The following RBFOX1 variants were observed in gnomAD, a reference collection of about 807,000 sequenced individuals.
The protein encoded by RBFOX1 is RNA binding fox-1 homolog 1.
In RBFOX1, 8 loss-of-function variants were observed where a neutral mutation model predicts 57.7. That is an observed-to-expected ratio of 0.14 (90% CI 0.08 to 0.25). The LOEUF is 0.25. RBFOX1 is among the 10% of genes least tolerant of loss of function. The probability of loss-of-function intolerance (pLI) is 1.00; values close to 1 mark genes in which losing one functional copy is unlikely to be tolerated. For missense variants in RBFOX1, 611 were observed against 548.5 expected, an observed-to-expected ratio of 1.11 and a Z score of -1.14; for synonymous variants, 326 against 222.4, an observed-to-expected ratio of 1.47 and a Z score of -4.15.
chr16:6,603,494 T>C (rs2097882422), intron 2 of RBFOX1, among the ~76,000 whole-genome samples: 1 of 152,208 alleles, frequency 6.6e-6, no homozygotes, highest in Non-Finnish European at 1.5e-5. Context: ...ATCAGAGCCC[T>C]CAAACACATT....
intron 3 of RBFOX1, among the ~76,000 whole-genome samples, chr16:5,803,840 C>T (rs1037410236): frequency 2.0e-5 from 3 of 152,164 alleles, no homozygotes; most frequent in African/African-American, 7.2e-5. Context: ...CTTCTTTCCT[C>T]TCCTGGTCTT....
At chr16:6,335,057 C>G (rs555011302) in intron 2 of RBFOX1, among the ~76,000 whole-genome samples, 1 of 152,318 alleles carries the variant, frequency 6.6e-6, no homozygotes, top group East Asian at 1.9e-4. Flanking sequence ...ACTAAATCCC[C>G]TTTCGATGTG....
chr16:5,645,586 GTC>G (rs1180140731), intron 3 of RBFOX1, among the ~76,000 whole-genome samples: 1 of 152,202 alleles, frequency 6.6e-6, no homozygotes, highest in Non-Finnish European at 1.5e-5. Flanking sequence ...ATTAAAAAGA[GTC>G]TCATATATAC....
At chr16:6,692,705 A>G (rs1329799934) in intron 3 of RBFOX1, among the ~76,000 whole-genome samples, 1 of 151,772 alleles carries the variant, frequency 6.6e-6, no homozygotes, top group Non-Finnish European at 1.5e-5. Flanking sequence ...TGAAATGCCT[A>G]CTATATACTC....
intron 3 of RBFOX1, among the ~76,000 whole-genome samples, chr16:6,688,987 A>G (rs1329470268): frequency 6.6e-6 from 1 of 152,142 alleles, no homozygotes. Flanking sequence ...TTATGGCTGC[A>G]TAGTATTCCA....
At chr16:6,781,803 C>G (rs972031681) in intron 3 of RBFOX1, among the ~76,000 whole-genome samples, 2 of 152,042 alleles carry the variant, frequency 1.3e-5, no homozygotes, top group South Asian at 2.1e-4. Context: ...TTTGGACATT[C>G]TCTCTTTTTT....
chr16:5,822,992 G>C (rs532976904), intron 3 of RBFOX1, among the ~76,000 whole-genome samples: 3 of 152,220 alleles, frequency 2.0e-5, no homozygotes, highest in African/African-American at 4.8e-5. Flanking sequence ...GCACCAAGCT[G>C]TAGGAACTAT....
chr16:5,948,075 G>A (rs1285422381), intron 4 of RBFOX1, among the ~76,000 whole-genome samples: 1 of 152,178 alleles, frequency 6.6e-6, no homozygotes, highest in Non-Finnish European at 1.5e-5. Context: ...AGGGTGGTGG[G>A]CATGTGGGCA....
chr16:7,357,047 C>A (rs551548347), intron 4 of RBFOX1, among the ~76,000 whole-genome samples: 35 of 152,284 alleles, frequency 2.3e-4, no homozygotes, highest in African/African-American at 7.5e-4. Flanking sequence ...ATCCAGGGAT[C>A]TATCTGCCTT....
At chr16:6,599,481 G>T (rs958636383) in intron 2 of RBFOX1, among the ~76,000 whole-genome samples, 1 of 152,072 alleles carries the variant, frequency 6.6e-6, no homozygotes, top group Non-Finnish European at 1.5e-5. Flanking sequence ...AATACTAAGC[G>T]ACACACCTAA....
At chr16:6,641,963 T>G (rs1282744656) in intron 2 of RBFOX1, among the ~76,000 whole-genome samples, 1 of 152,094 alleles carries the variant, frequency 6.6e-6, no homozygotes, top group East Asian at 1.9e-4. Context: ...CTGCGTTAAT[T>G]ATTCACAGGA....
intron 1 of RBFOX1, among the ~76,000 whole-genome samples, chr16:5,298,362 T>C (rs2063718596): frequency 6.6e-6 from 1 of 152,002 alleles, no homozygotes. Context: ...GGGAGAGTGT[T>C]GGGGTAAATA....
rs1207680025 is a variant in RBFOX1, at chr16:7,083,297, T to C, written c.27+31199T>C. Among the ~76,000 whole-genome samples the C allele has an allele frequency of 2.0e-5, 3 of 152,050 alleles. No individual in the cohort carries two copies. The East Asian group carries it at 5.9e-4, about 30-fold the overall frequency. On this transcript the variant is annotated intron_variant, in intron 4 of 15. Coordinates refer to ENST00000550418, the MANE Select transcript of RBFOX1 (RefSeq NM_018723.4). ...GGGAAACAGCTGTCTCCTGCTTGTG[T>C]CACAGTGATAAAATGTTTCTCCATC...
chr16:6,984,407 C>T (rs1234673511), intron 3 of RBFOX1, among the ~76,000 whole-genome samples: 1 of 152,086 alleles, frequency 6.6e-6, no homozygotes. Flanking sequence ...TCCTCACCAG[C>T]CTAGGGGTAT....
intron 3 of RBFOX1, among the ~76,000 whole-genome samples, chr16:5,851,957 C>T (rs775202286): frequency 9.9e-5 from 15 of 152,158 alleles, no homozygotes; most frequent in Non-Finnish European, 2.2e-4. Flanking sequence ...AAAGCTCCAG[C>T]CCACCACTTA....
At chr16:7,455,987 G>A (rs892710305) in intron 4 of RBFOX1, among the ~76,000 whole-genome samples, 1 of 152,022 alleles carries the variant, frequency 6.6e-6, no homozygotes, top group African/African-American at 2.4e-5. Flanking sequence ...TTTTATTAAG[G>A]GCAGGGCCAG....
intron 4 of RBFOX1, among the ~76,000 whole-genome samples, chr16:5,919,835 G>C (rs746251974): frequency 5.9e-5 from 9 of 151,944 alleles, no homozygotes; most frequent in Admixed American, 3.3e-4. Context: ...CACTTTGCTG[G>C]GTATTTCCTA....
At chr16:7,359,240 T>C (rs1376979579) in intron 4 of RBFOX1, among the ~76,000 whole-genome samples, 2 of 152,198 alleles carry the variant, frequency 1.3e-5, no homozygotes, top group Non-Finnish European at 2.9e-5. Flanking sequence ...GGGACGATTA[T>C]GAGAAGGAAA....
At chr16:6,767,706 G>T (rs1603618159) in intron 3 of RBFOX1, among the ~76,000 whole-genome samples, 1 of 151,930 alleles carries the variant, frequency 6.6e-6, no homozygotes, top group Non-Finnish European at 1.5e-5. Context: ...ACGAGATCAG[G>T]AGTTCGAGAG....
Sources: allele counts gnomAD v4.1 joint callset (sites outside exome capture counted in the v4.1 genomes callset), GRCh38; gene constraint gnomAD v4.1.1; transcripts MANE v1.5; gene names NCBI Gene and HGNC (gene_info 2026-07-23, HGNC 2026-07-21).